SNTB2: variants seen among roughly 807,000 people sequenced by gnomAD.
SNTB2 encodes syntrophin beta 2.
SNTB2 carries 34 observed loss-of-function variants against 46.2 expected under a neutral mutation model. The observed-to-expected ratio is 0.74, with a 90% CI of 0.56 to 0.98. The LOEUF (loss-of-function observed/expected upper bound fraction) is 0.98, where lower values mean the gene tolerates loss of function less well. Ranked by LOEUF, SNTB2 falls within the 50% of genes least tolerant of loss-of-function variation. The pLI, the probability that SNTB2 is intolerant of heterozygous loss-of-function variation, is 0.00. For synonymous variants in SNTB2, 290 were observed against 312.6 expected (o/e 0.93, Z 0.76); for missense variants, 603 against 731.4 (o/e 0.82, Z 2.02).
At chr16:69,282,847 A>G (rs1965063299) in intron 4 of SNTB2, among the ~76,000 whole-genome samples, 1 of 152,232 alleles carries the variant, frequency 6.6e-6, no homozygotes, top group African/African-American at 2.4e-5. Context: ...TTTTATGGTA[A>G]CTGACATAAA....
chr16:69,188,365 C>CTTTT (rs1157210994), intron 1 of SNTB2, among the ~76,000 whole-genome samples: 1 of 152,216 alleles, frequency 6.6e-6, no homozygotes, highest in African/African-American at 2.4e-5. Context: ...TTACTGCCAA[C>CTTTT]TAGAGTTTTG....
chr16:69,260,052 T>C lies in SNTB2; in HGVS notation c.797T>C (p.Leu266Ser). ...TTTTTTTTTCTTTTTCCACACAGAT[T>C]GATAGAGCTACATTCTCCTGATAGC... ...NLSMPDLENR[L>S]IELHSPDSRN... The change falls in exon 3 of 7, where the codon TTG becomes TCG. Residue 266 changes from leucine to serine, a missense_variant and splice_region_variant. This residue lies in a region of SNTB2 where 537 missense variants were observed against 692.4 expected (regional missense o/e 0.78). Transcript: ENST00000336278. 1 of 1,613,438 alleles carries C rather than the reference T, an allele frequency of 6.2e-7. No individual in the cohort carries two copies. Among genetic ancestry groups the C allele is most frequent in the South Asian group, 1.1e-5 (1 of 91,056 alleles).
chr16:69,196,970 T>C (rs1038216968), intron 1 of SNTB2, among the ~76,000 whole-genome samples: 4 of 152,182 alleles, frequency 2.6e-5, no homozygotes, highest in African/African-American at 7.2e-5. Context: ...TCTGTGTTGT[T>C]GCATCTATCT....
At chr16:69,266,576 A>G (rs561844254) in intron 3 of SNTB2, among the ~76,000 whole-genome samples, 5 of 152,314 alleles carry the variant, frequency 3.3e-5, no homozygotes, top group African/African-American at 7.2e-5. Context: ...CATTGCTCCT[A>G]TTGGCATTAG....
At chr16:69,295,288 G>A (rs923543630) in intron 5 of SNTB2, among the ~76,000 whole-genome samples, 11 of 128,120 alleles carry the variant, frequency 8.6e-5, no homozygotes, top group Non-Finnish European at 1.2e-4. Context: ...CTGTCTGCCA[G>A]GCTGGAGTAC....
chr16:69,211,765 A>G (rs1181277676), intron 1 of SNTB2, among the ~76,000 whole-genome samples: 2 of 152,188 alleles, frequency 1.3e-5, no homozygotes, highest in Non-Finnish European at 2.9e-5. Context: ...AACACCTTAT[A>G]CTAATGTCCT....
intron 1 of SNTB2, among the ~76,000 whole-genome samples, chr16:69,229,575 C>T (rs1444497335): frequency 6.7e-6 from 1 of 149,010 alleles, no homozygotes; most frequent in Admixed American, 6.7e-5. Flanking sequence ...TGCGGTGGCT[C>T]ACACCTATGA....
At chr16:69,195,610 C>T (rs1243528421) in intron 1 of SNTB2, among the ~76,000 whole-genome samples, 7 of 152,060 alleles carry the variant, frequency 4.6e-5, no homozygotes, top group Non-Finnish European at 1.5e-5. Context: ...TGCAACATCT[C>T]CTGCTGTGGA....
At chr16:69,287,048 C>T (rs544567150) in intron 5 of SNTB2, among the ~76,000 whole-genome samples, 1 of 152,196 alleles carries the variant, frequency 6.6e-6, no homozygotes, top group African/African-American at 2.4e-5. Context: ...AGTTACTCTA[C>T]AAAAGTTTGA....
At position 69,237,603 on chromosome 16, in the gene SNTB2, C is replaced by CTTTTTTTTT. The variant is rs397706857; in HGVS notation, c.581-7990_581-7982dup. On this transcript the variant is annotated intron_variant, in intron 1 of 6. Transcript: ENST00000336278. ...TTTTTTTTTCTTTCTTTCTTTCTTT[C>CTTTTTTTTT]TTTTTTTTTTTTTTTTTGAGGCAGA... 2.3e-4 allele frequency among the ~76,000 whole-genome samples: 27 copies of CTTTTTTTTT among 118,734 alleles called. 1 individual carries two copies. The highest frequency in any genetic ancestry group is 2.7e-4 in the African/African-American group (8 of 30,046). 77.9% of individuals were successfully genotyped at this position (118,734 alleles called of 152,430 possible).
intron 3 of SNTB2, among the ~76,000 whole-genome samples, chr16:69,260,605 C>T (rs1455460952): frequency 1.3e-5 from 2 of 152,156 alleles, no homozygotes; most frequent in Non-Finnish European, 2.9e-5. Flanking sequence ...GATAGCGTCA[C>T]GGCTACTTGA....
intron 1 of SNTB2, among the ~76,000 whole-genome samples, chr16:69,229,174 G>A (rs1964483706): frequency 6.6e-6 from 1 of 151,834 alleles, no homozygotes; most frequent in Admixed American, 6.6e-5. Context: ...TTATTTGATG[G>A]CACTTTATTT....
At chr16:69,273,370 C>A (rs1304194975) in intron 4 of SNTB2, among the ~76,000 whole-genome samples, 4 of 152,178 alleles carry the variant, frequency 2.6e-5, no homozygotes, top group Admixed American at 1.3e-4. Flanking sequence ...GTGACATATC[C>A]ACACAGTGGA....
At chr16:69,278,800 T>C (rs888884194) in intron 4 of SNTB2, among the ~76,000 whole-genome samples, 2 of 152,024 alleles carry the variant, frequency 1.3e-5, no homozygotes, top group African/African-American at 4.8e-5. Flanking sequence ...TACCATCTTT[T>C]TGGGGGAGGG....
intron 1 of SNTB2, among the ~76,000 whole-genome samples, chr16:69,217,685 G>T (rs993013209): frequency 2.6e-5 from 4 of 152,152 alleles, no homozygotes; most frequent in Admixed American, 2.6e-4. Flanking sequence ...ACAAATGGAA[G>T]ATTGGAGATA....
chr16:69,255,559 TAA>T (rs1239002276), intron 2 of SNTB2, among the ~76,000 whole-genome samples: 1 of 125,756 alleles, frequency 8.0e-6, no homozygotes, highest in African/African-American at 3.1e-5. Flanking sequence ...GACTCCGTCT[TAA>T]AAAAAAAAAA....
intron 2 of SNTB2, among the ~76,000 whole-genome samples, chr16:69,249,497 CGT>C (rs1964705056): frequency 6.6e-6 from 1 of 152,096 alleles, no homozygotes; most frequent in Non-Finnish European, 1.5e-5. Flanking sequence ...TGTGCTACTT[CGT>C]CATTCACTAA....
chr16:69,287,206 T>TA (rs1271058557), intron 5 of SNTB2, among the ~76,000 whole-genome samples: 1 of 152,216 alleles, frequency 6.6e-6, no homozygotes, highest in Non-Finnish European at 1.5e-5. Context: ...TACATGTAGA[T>TA]ATTTGCAAAT....
At chr16:69,289,428 A>T (rs1336994347) in intron 5 of SNTB2, among the ~76,000 whole-genome samples, 1 of 152,144 alleles carries the variant, frequency 6.6e-6, no homozygotes, top group Non-Finnish European at 1.5e-5. Flanking sequence ...AATGTTCAAG[A>T]GCAGAGTGTG....
Sources: allele counts gnomAD v4.1 joint callset (sites outside exome capture counted in the v4.1 genomes callset), GRCh38; gene constraint gnomAD v4.1.1; regional missense constraint gnomAD v4.1.1; transcripts MANE v1.5; gene names NCBI Gene and HGNC (gene_info 2026-07-23, HGNC 2026-07-21).